TFAP2B: variants seen among roughly 807,000 people sequenced by gnomAD.
The protein encoded by TFAP2B is transcription factor AP-2-beta.
TFAP2B carries 9 observed loss-of-function variants against 44.3 expected under a neutral mutation model. That is an observed-to-expected ratio of 0.20 (90% CI 0.12 to 0.35). TFAP2B has a LOEUF of 0.35. Ranked by LOEUF, TFAP2B falls within the 10% of genes least tolerant of loss-of-function variation. TFAP2B has a pLI of 1.00. For synonymous variants in TFAP2B, 270 were observed against 263.8 expected (o/e 1.02, Z -0.23); for missense variants, 509 against 600.0 (o/e 0.85, Z 1.59).
At position 50,843,141 on chromosome 6, in the gene TFAP2B, A is replaced by T. The variant is rs751775540; in HGVS notation, c.1132A>T (p.Ile378Leu). 6.8e-6 allele frequency: 11 copies of T among 1,614,138 alleles called. No homozygotes were observed. The highest frequency in any genetic ancestry group is 9.3e-6 in the Non-Finnish European group (11 of 1,180,044). The change falls in exon 7 of 7, where the codon ATA (isoleucine) becomes TTA (leucine). Residue 378 changes from isoleucine (I) to leucine (L), a missense_variant. Physicochemically the swap from Ile to Leu is conservative, Grantham distance 5. Coordinates refer to ENST00000393655, the MANE Select transcript of TFAP2B (RefSeq NM_003221.4). ...TCTACTGGCGCAGGACCGGACACCG[A>T]TAGGGAACAGCCGACCCAGCCCCAT... ...TDLLAQDRTP[I>L]GNSRPSPILE...
At chr6:50,837,228 G>A (rs1307576548) in intron 4 of TFAP2B, among the ~76,000 whole-genome samples, 1 of 152,146 alleles carries the variant, frequency 6.6e-6, no homozygotes, top group African/African-American at 2.4e-5. Flanking sequence ...GAGAATCTTG[G>A]GAGAAATTAA....
chr6:50,823,347 C>T, intron 1 of TFAP2B, 60 bp from the exon 2 acceptor site: 2 of 1,412,840 alleles, frequency 1.4e-6, no homozygotes, highest in East Asian at 2.5e-5. Context: ...CTCTCTGCCT[C>T]TATCTCTCTT....
chr6:50,842,484 G>A (rs186428916), intron 6 of TFAP2B, among the ~76,000 whole-genome samples: 11 of 152,316 alleles, frequency 7.2e-5, no homozygotes, highest in African/African-American at 2.2e-4. Flanking sequence ...CCTACACTTG[G>A]AAGAAAGAAA....
rs1225329788 is a variant in TFAP2B at position 50,844,138 on chromosome 6, T to A, written c.*746T>A. ...TGGTGCCGGCCGGCAGAGCAGGTTCTGGCGGCTGAGGAAAATCCGGACCAA... is the reference window on the plus strand; with the variant it reads ...TGGTGCCGGCCGGCAGAGCAGGTTCAGGCGGCTGAGGAAAATCCGGACCAA... On this transcript the variant is annotated 3_prime_UTR_variant, in exon 7 of 7. Transcript: ENST00000393655. 6.6e-6 allele frequency: 1 copy of A among 152,264 alleles called. No homozygotes were observed. Among genetic ancestry groups the A allele is most frequent in the Non-Finnish European group, 1.5e-5 (1 of 68,068 alleles). 9.4% of individuals were successfully genotyped at this position (152,264 alleles called of 1,614,324 possible).
At chr6:50,836,345 T>C in intron 4 of TFAP2B, 65 bp downstream of exon 4, 1 of 1,386,844 alleles carries the variant, frequency 7.2e-7, no homozygotes, top group Non-Finnish European at 1.0e-6. Context: ...CAGTTTTTAT[T>C]TATTGGACAG....
In TFAP2B at chr6:50,840,221, G is replaced by A. The variant is rs139339332; in HGVS notation, c.1006G>A (p.Val336Ile). The A allele has an allele frequency of 2.7e-4, 442 of 1,614,146 alleles. 4 individuals carry two copies. In the East Asian group the frequency reaches 7.8e-3, roughly 29 times the overall value. The change falls in exon 6 of 7, where the codon GTC becomes ATC. Residue 336 changes from valine to isoleucine, a missense_variant. Around this residue, in one of 3 missense-constraint regions of TFAP2B, gnomAD observed 168 missense variants for 183.2 expected, o/e 0.92. Coordinates refer to ENST00000393655, the MANE Select transcript of TFAP2B (RefSeq NM_003221.4). The stretch of plus-strand genomic sequence containing the variant: ...CGAAACGGAGTTTCCCGCCAAAGCC[G>A]TCTCTGAGTATTTGAACCGGCAGCA... The part of the protein sequence containing the change: ...ICETEFPAKA[V>I]SEYLNRQHTD...
intron 1 of TFAP2B, chr6:50,822,163 GA>G: frequency 7.7e-7 from 1 of 1,303,820 alleles, no homozygotes. Context: ...CATCCATGGT[GA>G]GTTTGGATTC....
chr6:50,820,933 G>A (rs1321517563), intron 1 of TFAP2B, among the ~76,000 whole-genome samples: 2 of 151,592 alleles, frequency 1.3e-5, no homozygotes, highest in African/African-American at 4.9e-5. Context: ...GAGAAAAGAG[G>A]GGAGGGAGAG....
chr6:50,828,738 G>A, intron 3 of TFAP2B, 59 bp downstream of exon 3: 1 of 1,571,846 alleles, frequency 6.4e-7, no homozygotes, highest in Non-Finnish European at 8.8e-7. Context: ...ACGTCTTTAT[G>A]ATGAATTTTC....
chr6:50,840,914 C>T (rs1374122750), intron 6 of TFAP2B, among the ~76,000 whole-genome samples: 1 of 152,234 alleles, frequency 6.6e-6, no homozygotes, highest in Non-Finnish European at 1.5e-5. Context: ...GTTTTATGGC[C>T]GGCTCAGGCC....
rs190779552 is a variant in TFAP2B at position 50,843,302 on chromosome 6, G to A, written c.1293G>A (p.Met431Ile). The A allele has an allele frequency of 6.2e-7, 1 of 1,614,154 alleles. No homozygotes were observed. Among genetic ancestry groups the A allele is most frequent in the Admixed American group, 1.7e-5 (1 of 60,014 alleles). ...AGGCGCTCAAAGGCATGGACAAGAT[G>A]TTCTTGAACAACACCACCACTAACA... ...LTEALKGMDK[M>I]FLNNTTTNRH... The change falls in exon 7 of 7, where the codon ATG (methionine) becomes ATA (isoleucine). Residue 431 changes from methionine to isoleucine, a missense_variant. By Grantham distance (10) the Met-to-Ile change is conservative. Coordinates refer to ENST00000393655, the MANE Select transcript of TFAP2B (RefSeq NM_003221.4).
At chr6:50,823,327 C>A in intron 1 of TFAP2B, 80 bp from the exon 2 acceptor site, 1 of 1,246,042 alleles carries the variant, frequency 8.0e-7, no homozygotes, top group Non-Finnish European at 1.1e-6. Flanking sequence ...CCTCTCTGTA[C>A]TCTCTGTCTC....
chr6:50,843,612 A>G lies in TFAP2B; in HGVS notation c.*220A>G, dbSNP rs1762780748. On this transcript the variant is annotated 3_prime_UTR_variant, in exon 7 of 7. Coordinates refer to ENST00000393655, the MANE Select transcript of TFAP2B (RefSeq NM_003221.4). ...CGGTTCTCAGTGTCTATTTCAAGAT[A>G]CATTTGGAGACAACCGTCCGGATTT... is the stretch of plus-strand genomic sequence containing the variant. 1 of 542,212 alleles carries G rather than the reference A, an allele frequency of 1.8e-6. No homozygotes were observed. The highest frequency in any genetic ancestry group is 3.2e-6 in the Non-Finnish European group (1 of 316,590). The allele number at this position is 542,212 out of a possible 1,614,324, so 33.6% of individuals were successfully genotyped here.
In TFAP2B at chr6:50,846,710, C is replaced by G. The variant is rs1561970019; in HGVS notation, c.*3318C>G. The G allele has an allele frequency of 6.6e-6, 1 of 152,196 alleles. No individual in the cohort carries two copies. The allele number at this position is 152,196 out of a possible 1,614,324, so 9.4% of individuals were successfully genotyped here. On this transcript the variant is annotated 3_prime_UTR_variant, in exon 7 of 7. Coordinates refer to ENST00000393655, the MANE Select transcript of TFAP2B (RefSeq NM_003221.4). ...AAATGTCCTGTTTGGGTGAGGATTC[C>G]GTCACCTAAAAAGATCTTTAACTTC...
Position 50,819,783 on chromosome 6 carries a change from G to T in TFAP2B, c.81+811G>T, listed in dbSNP as rs570838526. On this transcript the variant is annotated intron_variant, in intron 1 of 6. Transcript: ENST00000393655. ...TTCCGGCTCGGGCGAGGGCTGACGC[G>T]GCCAGACGGCTCCGCTACTCGCGGG... is the stretch of plus-strand genomic sequence containing the variant. 6.6e-3 allele frequency among the ~76,000 whole-genome samples: 1,002 copies of T among 152,306 alleles called. 7 individuals are homozygous for T. Among genetic ancestry groups the T allele is most frequent in the South Asian group, 0.014 (69 of 4,832 alleles).
chr6:50,842,706 G>T (rs775834714), intron 6 of TFAP2B, among the ~76,000 whole-genome samples: 61 of 152,210 alleles, frequency 4.0e-4, no homozygotes, highest in African/African-American at 1.3e-3. Context: ...AGGTTGGAGA[G>T]GTGGGAGGGG....
chr6:50,821,826 G>T, intron 1 of TFAP2B: 3 of 254,144 alleles, frequency 1.2e-5, no homozygotes, highest in Admixed American at 4.9e-5. Flanking sequence ...GGAGGAAGGG[G>T]CGGCCGAGCA....
At chr6:50,840,832 T>C (rs1762712232) in intron 6 of TFAP2B, among the ~76,000 whole-genome samples, 1 of 152,232 alleles carries the variant, frequency 6.6e-6, no homozygotes, top group African/African-American at 2.4e-5. Flanking sequence ...TAGAGCTCAT[T>C]TGAACTTTTA....
intron 3 of TFAP2B, among the ~76,000 whole-genome samples, chr6:50,834,298 C>G (rs1355673459): frequency 6.6e-6 from 1 of 152,226 alleles, no homozygotes; most frequent in Non-Finnish European, 1.5e-5. Flanking sequence ...AGGAACACCT[C>G]TCTATATCCC....
Sources: allele counts gnomAD v4.1 joint callset (sites outside exome capture counted in the v4.1 genomes callset), GRCh38; gene constraint gnomAD v4.1.1; regional missense constraint gnomAD v4.1.1; transcripts MANE v1.5; gene names NCBI Gene and HGNC (gene_info 2026-07-23, HGNC 2026-07-21).